Variants in ZNF766 observed in about 807,000 individuals in gnomAD.
The protein encoded by ZNF766 is zinc finger protein 766.
In ZNF766, 13 loss-of-function variants were observed where a neutral mutation model predicts 13.2. The observed-to-expected ratio is 0.98, with a 90% CI of 0.64 to 1.56. The LOEUF (loss-of-function observed/expected upper bound fraction) is 1.56. ZNF766 is among the 40% of genes most tolerant of loss of function. The pLI, the probability that ZNF766 is intolerant of heterozygous loss-of-function variation, is 0.00. For synonymous variants in ZNF766, 178 were observed against 187.6 expected, an observed-to-expected ratio of 0.95 and a Z score of 0.42; for missense variants, 521 against 552.2, an observed-to-expected ratio of 0.94 and a Z score of 0.57.
chr19:52,280,881 T>C lies in ZNF766; in HGVS notation c.19-1230T>C, dbSNP rs1330098214. Among the ~76,000 whole-genome samples, 5 of 147,226 alleles carry C rather than the reference T, an allele frequency of 3.4e-5. 1 individual carries two copies. The South Asian group carries it at 9.8e-4, about 29-fold the overall frequency. ...AGGTGTGAGCCAACACTTTTGGCCG[T>C]GCGTGATGGCTCACGCCTGTAATCC... On this transcript the variant is annotated intron_variant, in intron 1 of 3. Transcript: ENST00000439461.
chr19:52,291,789 G>C lies in ZNF766; in HGVS notation c.*591G>C, dbSNP rs180703660. 360 of 189,216 alleles carry C rather than the reference G, an allele frequency of 1.9e-3. 1 individual carries two copies. The highest frequency in any genetic ancestry group is 9.4e-3 in the South Asian group (51 of 5,426). The allele number at this position is 189,216 out of a possible 1,614,324, so 11.7% of individuals were successfully genotyped here. ...AAAAAAAAAAAAATTATTTGGGTTT[G>C]AAAGGCCAGGGGCAGTGGTTCATGC... On this transcript the variant is annotated 3_prime_UTR_variant, in exon 4 of 4. Transcript: ENST00000439461.
At chr19:52,289,863 T>C (rs1471675885) in intron 3 of ZNF766, among the ~76,000 whole-genome samples, 8 of 152,102 alleles carry the variant, frequency 5.3e-5, no homozygotes, top group Middle Eastern at 3.4e-3. Flanking sequence ...TAGCTGGGCG[T>C]GGTGGCGGAC....
In ZNF766 at chr19:52,283,398, A is replaced by G. The variant is rs1981636788; in HGVS notation, c.259A>G (p.Lys87Glu). 6.2e-7 allele frequency: 1 copy of G among 1,600,510 alleles called. No homozygotes were observed. Among genetic ancestry groups the G allele is most frequent in the East Asian group, 2.2e-5 (1 of 44,586 alleles). The change falls in exon 3 of 4, where the codon AAA (lysine) becomes GAA (glutamate). Residue 87 changes from lysine (K) to glutamate (E), a missense_variant. Coordinates refer to ENST00000439461, the MANE Select transcript of ZNF766 (RefSeq NM_001010851.3). ...AKNPDRWEGI[K>E]DINTGRSCAV... ...AAATCCAGATAGGTGGGAAGGTATCAAAGATATCAACACAGGTAAGAGCTC... is the reference window on the plus strand; with the variant it reads ...AAATCCAGATAGGTGGGAAGGTATCGAAGATATCAACACAGGTAAGAGCTC...
intron 1 of ZNF766, among the ~76,000 whole-genome samples, chr19:52,273,433 C>A (rs772264660): frequency 6.6e-6 from 1 of 152,166 alleles, no homozygotes; most frequent in South Asian, 2.1e-4. Flanking sequence ...CCTGTGTGAT[C>A]TGCATCCCAG....
intron 1 of ZNF766, among the ~76,000 whole-genome samples, chr19:52,274,957 A>G (rs1200394321): frequency 6.6e-6 from 1 of 152,238 alleles, no homozygotes; most frequent in African/African-American, 2.4e-5. Context: ...AAACATAGGC[A>G]CCAACACCTA....
chr19:52,277,432 C>A (rs911211773), intron 1 of ZNF766: 1 of 1,517,120 alleles, frequency 6.6e-7, no homozygotes, highest in Non-Finnish European at 8.9e-7. Context: ...GCACTCCAGC[C>A]TGGGTGACAG....
chr19:52,278,528 C>T (rs777360326), intron 1 of ZNF766, among the ~76,000 whole-genome samples: 3 of 152,048 alleles, frequency 2.0e-5, no homozygotes, highest in Non-Finnish European at 4.4e-5. Context: ...CTCAGCCTCC[C>T]GAGTAGCTGG....
rs1848658499 is a variant in ZNF766, at chr19:52,291,879, AGTAT to A, written c.*683_*686del. 2 of 395,946 alleles carry A rather than the reference AGTAT, an allele frequency of 5.1e-6. No individual in the cohort carries two copies. Among genetic ancestry groups the A allele is most frequent in the South Asian group, 1.0e-4 (2 of 19,248 alleles). 24.5% of individuals were successfully genotyped at this position (395,946 alleles called of 1,614,324 possible). A position where few individuals can be genotyped will look rare whatever the true frequency, so the allele number is the denominator to read the frequency against. On this transcript the variant is annotated 3_prime_UTR_variant, in exon 4 of 4. Transcript: ENST00000439461. The stretch of plus-strand genomic sequence containing the variant: ...CACTTGATGCCTGGAGATCAAGATA[AGTAT>A]GGGCAACGTAGCAAGGCCCATCCCT...
At chr19:52,273,056 T>A (rs1051953139) in intron 1 of ZNF766, among the ~76,000 whole-genome samples, 2 of 152,178 alleles carry the variant, frequency 1.3e-5, no homozygotes, top group African/African-American at 4.8e-5. Flanking sequence ...GTCACCAGGC[T>A]GGAGTGCAGT....
At chr19:52,286,155 A>AAAAG (rs554520382) in intron 3 of ZNF766, among the ~76,000 whole-genome samples, 2 of 144,900 alleles carry the variant, frequency 1.4e-5, no homozygotes, top group South Asian at 2.1e-4. Flanking sequence ...TAAAAAAAAA[A>AAAAG]AAAGAAAGAA....
chr19:52,275,325 G>C (rs1981142145), intron 1 of ZNF766, among the ~76,000 whole-genome samples: 1 of 152,116 alleles, frequency 6.6e-6, no homozygotes, highest in Admixed American at 6.5e-5. Flanking sequence ...AAGGTACAAA[G>C]ATAAAATATT....
rs577428345 is a variant in ZNF766, at chr19:52,281,289, T to C, written c.19-822T>C. 20 of 184,028 alleles carry C rather than the reference T, an allele frequency of 1.1e-4. No individual in the cohort carries two copies. In the South Asian group the frequency reaches 1.7e-3, roughly 16 times the overall value. 11.4% of individuals were successfully genotyped at this position (184,028 alleles called of 1,614,324 possible). On this transcript the variant is annotated intron_variant, in intron 1 of 3. Transcript: ENST00000439461. ...ATCCCAGCATTTTGGGAGGCCGAGG[T>C]AGGTGGCTCGCATGAGGTCAGGAGT... is the stretch of plus-strand genomic sequence containing the variant.
intron 1 of ZNF766, among the ~76,000 whole-genome samples, chr19:52,274,288 C>T (rs567753101): frequency 2.8e-4 from 42 of 152,296 alleles, no homozygotes; most frequent in African/African-American, 9.6e-4. Context: ...TCACATGCCA[C>T]ATAAGGACAT....
chr19:52,289,080 G>A (rs1981980014), intron 3 of ZNF766, among the ~76,000 whole-genome samples: 1 of 149,890 alleles, frequency 6.7e-6, no homozygotes, highest in Admixed American at 6.7e-5. Context: ...CTGGTCTTGA[G>A]CTCCTCACCT....
chr19:52,285,760 A>C (rs1334300085), intron 3 of ZNF766, among the ~76,000 whole-genome samples: 6 of 152,192 alleles, frequency 3.9e-5, no homozygotes, highest in Non-Finnish European at 5.9e-5. Context: ...AAGACCCGCA[A>C]TCAGAAAGGT....
Position 52,295,982 on chromosome 19 carries a change from T to C in ZNF766, c.*4784T>C, listed in dbSNP as rs1982330264. On this transcript the variant is annotated 3_prime_UTR_variant, in exon 4 of 4. Transcript: ENST00000439461. Reference sequence around the variant, plus strand: ...AATATATTAACCCTGTGTATCAATTTGGGGTAATTTCACATTTTTTTCTAT... The same window carrying C: ...AATATATTAACCCTGTGTATCAATTCGGGGTAATTTCACATTTTTTTCTAT... The C allele has an allele frequency of 6.6e-6, 1 of 152,168 alleles. No individual in the cohort carries two copies. The allele number at this position is 152,168 out of a possible 1,614,324, so 9.4% of individuals were successfully genotyped here.
chr19:52,276,788 C>T (rs1237064182), intron 1 of ZNF766, among the ~76,000 whole-genome samples: 1 of 152,158 alleles, frequency 6.6e-6, no homozygotes, highest in African/African-American at 2.4e-5. Flanking sequence ...AGCACCGAAG[C>T]CGTGTTCTCA....
Position 52,282,097 on chromosome 19 carries a change from A to T in ZNF766, c.19-14A>T, listed in dbSNP as rs773233541. 1.9e-6 allele frequency: 3 copies of T among 1,593,750 alleles called. No homozygotes were observed. In the South Asian group the frequency reaches 3.3e-5, roughly 18 times the overall value. ...TCTCCTTACCCTGTTGGTCAAATAC[A>T]TCTTTTATTTTAGGGACACTTGACA... On this transcript the variant is annotated splice_polypyrimidine_tract_variant and intron_variant, in intron 1 of 3. Coordinates refer to ENST00000439461, the MANE Select transcript of ZNF766 (RefSeq NM_001010851.3).
At position 52,282,158 on chromosome 19, in the gene ZNF766, G is replaced by A. The variant is rs1303309772; in HGVS notation, c.66G>A (p.Glu22=). Residue 22 remains glutamate (E), a synonymous_variant, in exon 2 of 4, where the codon GAG becomes GAA. Coordinates refer to ENST00000439461, the MANE Select transcript of ZNF766 (RefSeq NM_001010851.3). ...RDVAIEFSQE[E]WKCLDPVQKA... Reference sequence around the variant, plus strand: ...TGGCCATAGAATTCTCTCAGGAGGAGTGGAAATGCCTGGACCCTGTGCAGA... The same window carrying A: ...TGGCCATAGAATTCTCTCAGGAGGAATGGAAATGCCTGGACCCTGTGCAGA... The A allele has an allele frequency of 6.2e-6, 10 of 1,605,924 alleles. No homozygotes were observed. Among genetic ancestry groups the A allele is most frequent in the Non-Finnish European group, 8.5e-6 (10 of 1,174,794 alleles).
Sources: gnomAD v4.1 joint callset for allele counts (sites outside exome capture counted in the v4.1 genomes callset) on GRCh38, gnomAD v4.1.1 for gene constraint, MANE v1.5 for transcripts, NCBI Gene and HGNC (gene_info 2026-07-23, HGNC 2026-07-21) for gene names.